The following FAM168A variants were observed in gnomAD, a reference collection of about 807,000 sequenced individuals.
FAM168A encodes family with sequence similarity 168 member A.
In FAM168A, 3 loss-of-function variants were observed where a neutral mutation model predicts 28.5. That is an observed-to-expected ratio of 0.11 (90% CI 0.05 to 0.27). The LOEUF (loss-of-function observed/expected upper bound fraction) is 0.27, where lower values mean the gene tolerates loss of function less well. Ranked by LOEUF, FAM168A falls within the 10% of genes least tolerant of loss-of-function variation. The pLI is 1.00. For missense variants in FAM168A, 222 were observed against 311.5 expected, an observed-to-expected ratio of 0.71 and a Z score of 2.16; for synonymous variants, 122 against 124.2, an observed-to-expected ratio of 0.98 and a Z score of 0.12.
At chr11:73,477,962 T>TAGATAGACAGAC (rs1555025457) in intron 1 of FAM168A, among the ~76,000 whole-genome samples, 2 of 145,426 alleles carry the variant, frequency 1.4e-5, no homozygotes, top group African/African-American at 2.5e-5. Flanking sequence ...GATAGATAGA[T>TAGATAGACAGAC]AGATAGATAA....
chr11:73,541,107 A>G (rs1943651166), intron 1 of FAM168A, among the ~76,000 whole-genome samples: 1 of 151,956 alleles, frequency 6.6e-6, no homozygotes, highest in South Asian at 2.1e-4. Context: ...CGGGAGGCTG[A>G]GACAGGAGAA....
chr11:73,564,742 C>CAAAA (rs1294055661), intron 1 of FAM168A, among the ~76,000 whole-genome samples: 25 of 50,014 alleles, frequency 5.0e-4, no homozygotes, highest in East Asian at 1.1e-3. Context: ...GACTCCGTCA[C>CAAAA]AAAAAAAAAA....
At chr11:73,515,484 G>A (rs774116381) in intron 1 of FAM168A, among the ~76,000 whole-genome samples, 7 of 147,408 alleles carry the variant, frequency 4.7e-5, no homozygotes, top group South Asian at 2.1e-4. Flanking sequence ...CTCTAGCTGC[G>A]GTAACAAGAG....
intron 3 of FAM168A, among the ~76,000 whole-genome samples, chr11:73,422,320 ATTTTC>A (rs760770399): frequency 2.5e-4 from 38 of 152,020 alleles, no homozygotes; most frequent in Non-Finnish European, 4.9e-4. Flanking sequence ...ATTTTTCTTT[ATTTTC>A]TTCTGGTTTC....
At chr11:73,529,892 T>A (rs954072731) in intron 1 of FAM168A, among the ~76,000 whole-genome samples, 4 of 149,696 alleles carry the variant, frequency 2.7e-5, no homozygotes, top group Admixed American at 2.0e-4. Context: ...GTTCAAGCAA[T>A]TCTTCTGCCT....
At chr11:73,491,658 C>A (rs942556850) in intron 1 of FAM168A, among the ~76,000 whole-genome samples, 3 of 152,146 alleles carry the variant, frequency 2.0e-5, no homozygotes, top group Non-Finnish European at 4.4e-5. Flanking sequence ...TGTATAAAAA[C>A]GATAATCTCT....
At chr11:73,533,499 AAAGTGACC>A (rs1381955586) in intron 1 of FAM168A, among the ~76,000 whole-genome samples, 1 of 152,172 alleles carries the variant, frequency 6.6e-6, no homozygotes, top group Non-Finnish European at 1.5e-5. Flanking sequence ...GAGTAGGAGA[AAAGTGACC>A]AAGTAAGAAA....
rs995698320 is a variant in FAM168A at position 73,402,140 on chromosome 11, C to A, written c.*4623G>T. ...CCCAAGCTTGGCAAGCAGCGGGGGCCGCACAGCCAGTAGTGATGTGGGAGA... is the reference window on the plus strand; with the variant it reads ...CCCAAGCTTGGCAAGCAGCGGGGGCAGCACAGCCAGTAGTGATGTGGGAGA... On this transcript the variant is annotated 3_prime_UTR_variant, in exon 8 of 8. Coordinates refer to ENST00000356467, the MANE Select transcript of FAM168A (RefSeq NM_015159.3). 1 of 152,182 alleles carries A rather than the reference C, an allele frequency of 6.6e-6. No homozygotes were observed. Among genetic ancestry groups the A allele is most frequent in the Non-Finnish European group, 1.5e-5 (1 of 68,056 alleles). 9.4% of individuals were successfully genotyped at this position (152,182 alleles called of 1,614,324 possible). A position where few individuals can be genotyped will look rare whatever the true frequency, so the allele number is the denominator to read the frequency against.
chr11:73,515,344 T>C (rs934123382), intron 1 of FAM168A, among the ~76,000 whole-genome samples: 20 of 152,038 alleles, frequency 1.3e-4, no homozygotes, highest in Non-Finnish European at 2.2e-4. Flanking sequence ...GCTCCATCTC[T>C]GCCAAAAATA....
At chr11:73,498,176 A>G (rs1445773220) in intron 1 of FAM168A, among the ~76,000 whole-genome samples, 2 of 152,304 alleles carry the variant, frequency 1.3e-5, no homozygotes, top group East Asian at 3.9e-4. Context: ...GAAAAAAAAC[A>G]TAATAAGTAT....
At chr11:73,488,011 A>G (rs1309673022) in intron 1 of FAM168A, among the ~76,000 whole-genome samples, 1 of 152,224 alleles carries the variant, frequency 6.6e-6, no homozygotes, top group Non-Finnish European at 1.5e-5. Context: ...GGTTAAATTC[A>G]GTCACCGTCT....
At chr11:73,416,046 T>TTAA (rs1235329887) in intron 4 of FAM168A, among the ~76,000 whole-genome samples, 1 of 152,208 alleles carries the variant, frequency 6.6e-6, no homozygotes, top group Non-Finnish European at 1.5e-5. Flanking sequence ...AAAGTCTCTG[T>TTAA]AGTCCAATCT....
intron 1 of FAM168A, among the ~76,000 whole-genome samples, chr11:73,502,186 C>A (rs1855022606): frequency 6.8e-6 from 1 of 147,454 alleles, no homozygotes; most frequent in African/African-American, 2.5e-5. Context: ...ACAAAAAACC[C>A]TCAAAAAAAA....
chr11:73,480,663 T>C (rs147077567), intron 1 of FAM168A, among the ~76,000 whole-genome samples: 2 of 152,198 alleles, frequency 1.3e-5, no homozygotes, highest in Admixed American at 6.5e-5. Context: ...TTATAGCTTA[T>C]GAAGAGAGTG....
intron 1 of FAM168A, among the ~76,000 whole-genome samples, chr11:73,483,029 C>A (rs935692716): frequency 6.6e-6 from 1 of 152,148 alleles, no homozygotes; most frequent in Non-Finnish European, 1.5e-5. Context: ...GCGCACCCAG[C>A]CAAGAACAGG....
intron 1 of FAM168A, among the ~76,000 whole-genome samples, chr11:73,563,469 C>T (rs1187710049): frequency 1.3e-5 from 2 of 152,174 alleles, no homozygotes; most frequent in Non-Finnish European, 2.9e-5. Context: ...TTCACGAGTG[C>T]CCACTATTTT....
At chr11:73,457,611 C>T (rs1423677047) in intron 2 of FAM168A, among the ~76,000 whole-genome samples, 1 of 149,762 alleles carries the variant, frequency 6.7e-6, no homozygotes, top group Non-Finnish European at 1.5e-5. Flanking sequence ...TGCAGTGGCT[C>T]ATGCCTGTAA....
At chr11:73,499,484 C>T (rs1019264755) in intron 1 of FAM168A, among the ~76,000 whole-genome samples, 3 of 152,082 alleles carry the variant, frequency 2.0e-5, no homozygotes, top group Non-Finnish European at 2.9e-5. Flanking sequence ...ATGATTGCAA[C>T]GTCTCTCCAT....
chr11:73,587,968 T>C (rs1319878365), intron 1 of FAM168A, among the ~76,000 whole-genome samples: 2 of 152,134 alleles, frequency 1.3e-5, no homozygotes, highest in Admixed American at 1.3e-4. Flanking sequence ...CAGGCTAGTC[T>C]CAAACTCCTG....
Sources: allele counts gnomAD v4.1 joint callset (sites outside exome capture counted in the v4.1 genomes callset), GRCh38; gene constraint gnomAD v4.1.1; transcripts MANE v1.5; gene names NCBI Gene and HGNC (gene_info 2026-07-23, HGNC 2026-07-21).